RMND1: variants seen among roughly 807,000 people sequenced by gnomAD.
RMND1 encodes the protein required for meiotic nuclear division protein 1 homolog.
A neutral mutation model predicts 54.0 loss-of-function variants in RMND1; 41 were observed. That is an observed-to-expected ratio of 0.76 (90% CI 0.59 to 0.98). RMND1 has a LOEUF of 0.98. RMND1 is among the 50% of genes least tolerant of loss of function. The pLI is 0.00. For synonymous variants in RMND1, 183 were observed against 181.7 expected (o/e 1.01, Z -0.06); for missense variants, 457 against 532.0 (o/e 0.86, Z 1.39).
At chr6:151,413,418 G>A (rs985676762) in intron 10 of RMND1, among the ~76,000 whole-genome samples, 2 of 152,018 alleles carry the variant, frequency 1.3e-5, no homozygotes, top group Non-Finnish European at 2.9e-5. Context: ...CACCATGCCC[G>A]ACTAATTTAT....
intron 5 of RMND1, among the ~76,000 whole-genome samples, chr6:151,428,888 T>C (rs1780378533): frequency 6.6e-6 from 1 of 152,170 alleles, no homozygotes. Flanking sequence ...AAATGTAGAA[T>C]CTCAACATTT....
chr6:151,438,790 T>A (rs980687677), intron 2 of RMND1, among the ~76,000 whole-genome samples: 1 of 148,228 alleles, frequency 6.7e-6, no homozygotes. Flanking sequence ...TAAGAATGTG[T>A]ACTACTTTTT....
intron 10 of RMND1, among the ~76,000 whole-genome samples, chr6:151,406,797 G>C (rs1779639720): frequency 6.6e-6 from 1 of 152,190 alleles, no homozygotes. Flanking sequence ...ATGAATCACA[G>C]GTACGTGTTC....
intron 10 of RMND1, among the ~76,000 whole-genome samples, chr6:151,407,924 A>T (rs1409008365): frequency 6.6e-6 from 1 of 152,056 alleles, no homozygotes; most frequent in Non-Finnish European, 1.5e-5. Context: ...CACAAAAAAA[A>T]GTCACTATTA....
chr6:151,409,394 T>C (rs776659873), intron 10 of RMND1, among the ~76,000 whole-genome samples: 50 of 152,162 alleles, frequency 3.3e-4, no homozygotes, highest in Admixed American at 1.4e-3. Flanking sequence ...ACTTTTAAGT[T>C]TCTGGTTGAA....
At position 151,405,214 on chromosome 6, in the gene RMND1, G is replaced by T. The variant is rs777459305; in HGVS notation, c.*21C>A. ...GTAGAACTTGAATATCTCTTGCAGTGACACTTTGGTTATCACTTGATCAGA... is the reference window on the plus strand; with the variant it reads ...GTAGAACTTGAATATCTCTTGCAGTTACACTTTGGTTATCACTTGATCAGA... On this transcript the variant is annotated 3_prime_UTR_variant, in exon 12 of 12. Coordinates refer to ENST00000444024, the MANE Select transcript of RMND1 (RefSeq NM_017909.4). 2.5e-6 allele frequency: 4 copies of T among 1,604,292 alleles called. No homozygotes were observed. Among genetic ancestry groups the T allele is most frequent in the Non-Finnish European group, 3.4e-6 (4 of 1,171,374 alleles).
intron 2 of RMND1, among the ~76,000 whole-genome samples, chr6:151,442,711 T>C (rs1342181947): frequency 1.9e-4 from 28 of 144,002 alleles, no homozygotes; most frequent in South Asian, 4.4e-4. Flanking sequence ...TTTTTTTTTT[T>C]CCAAGTCTTT....
Position 151,433,148 on chromosome 6 carries a change from G to A in RMND1, c.689+7C>T, listed in dbSNP as rs765063071. The A allele has an allele frequency of 5.0e-6, 8 of 1,599,884 alleles. No homozygotes were observed. The South Asian group carries it at 8.9e-5, about 18-fold the overall frequency. ...CATCACCTAATGGGGTTTCTTTCCT[G>A]TCTTACCTGAAGAAGAATATTGTTC... On this transcript the variant is annotated splice_region_variant and intron_variant, in intron 4 of 11. Coordinates refer to ENST00000444024, the MANE Select transcript of RMND1 (RefSeq NM_017909.4).
chr6:151,418,778 T>C (rs1780075405), intron 9 of RMND1, among the ~76,000 whole-genome samples: 1 of 152,054 alleles, frequency 6.6e-6, no homozygotes, highest in Non-Finnish European at 1.5e-5. Flanking sequence ...CTGTGCTTAC[T>C]TTTTTTTCTG....
At chr6:151,405,372 A>G in intron 11 of RMND1, 105 bp from the exon 12 acceptor site, 1 of 1,119,788 alleles carries the variant, frequency 8.9e-7, no homozygotes, top group South Asian at 1.3e-5. Flanking sequence ...GAAGTAAGGT[A>G]AATGTTTGCC....
intron 1 of RMND1, among the ~76,000 whole-genome samples, chr6:151,450,932 T>C (rs1319936415): frequency 1.3e-5 from 2 of 152,214 alleles, no homozygotes; most frequent in Non-Finnish European, 2.9e-5. Flanking sequence ...AAACATGTGC[T>C]GTGTCCACTC....
chr6:151,415,590 C>A (rs1307451086), intron 10 of RMND1, among the ~76,000 whole-genome samples: 2 of 151,768 alleles, frequency 1.3e-5, no homozygotes, highest in Non-Finnish European at 2.9e-5. Context: ...CAGATCGAGA[C>A]CATCCTGGCT....
intron 10 of RMND1, among the ~76,000 whole-genome samples, chr6:151,410,792 T>C (rs1779806681): frequency 2.0e-5 from 3 of 152,214 alleles, no homozygotes; most frequent in Admixed American, 1.3e-4. Context: ...AATTGTGTAT[T>C]TGCAGTATAA....
At chr6:151,431,427 G>C (rs1209448902) in intron 4 of RMND1, among the ~76,000 whole-genome samples, 1 of 152,192 alleles carries the variant, frequency 6.6e-6, no homozygotes, top group Non-Finnish European at 1.5e-5. Flanking sequence ...GGTGGTGGGT[G>C]AGCAGGCAGG....
At chr6:151,424,971 C>G (rs1355146046) in intron 6 of RMND1, among the ~76,000 whole-genome samples, 1 of 152,126 alleles carries the variant, frequency 6.6e-6, no homozygotes, top group Non-Finnish European at 1.5e-5. Context: ...GAGACGGAGT[C>G]TTGCTCTGTC....
intron 6 of RMND1, among the ~76,000 whole-genome samples, chr6:151,425,450 GTA>G (rs1491372800): frequency 1.4e-3 from 217 of 151,030 alleles, no homozygotes; most frequent in Admixed American, 4.1e-3. Context: ...GTGGATAAGC[GTA>G]CACACACACA....
chr6:151,425,947 T>C (rs747020948), intron 6 of RMND1, among the ~76,000 whole-genome samples: 14 of 43,880 alleles, frequency 3.2e-4, no homozygotes, highest in African/African-American at 9.6e-4. Context: ...CTTTTAACGC[T>C]TTTTTTTTTT....
intron 6 of RMND1, among the ~76,000 whole-genome samples, chr6:151,426,876 TCTC>T: frequency 6.6e-6 from 1 of 152,026 alleles, no homozygotes; most frequent in South Asian, 2.1e-4. Context: ...TTCAAGCAAT[TCTC>T]CTGTCTCAGC....
At chr6:151,449,612 T>C (rs1347678256) in intron 1 of RMND1, among the ~76,000 whole-genome samples, 1 of 151,970 alleles carries the variant, frequency 6.6e-6, no homozygotes, top group Non-Finnish European at 1.5e-5. Context: ...AACCACTACA[T>C]TAAAAACACA....
Sources: allele counts gnomAD v4.1 joint callset (sites outside exome capture counted in the v4.1 genomes callset), GRCh38; gene constraint gnomAD v4.1.1; transcripts MANE v1.5; gene names NCBI Gene and HGNC (gene_info 2026-07-23, HGNC 2026-07-21).